The following OCLN variants were observed in gnomAD, a reference collection of about 807,000 sequenced individuals.
The protein encoded by OCLN is occludin, also known as phosphatase 1, regulatory subunit 115.
A neutral mutation model predicts 47.9 loss-of-function variants in OCLN; 21 were observed. That is an observed-to-expected ratio of 0.44 (90% CI 0.31 to 0.63). The LOEUF (loss-of-function observed/expected upper bound fraction) is 0.63. OCLN is among the 30% of genes least tolerant of loss of function. The probability of loss-of-function intolerance (pLI) is 0.08; values close to 1 mark genes in which losing one functional copy is unlikely to be tolerated. For synonymous variants in OCLN, 117 were observed against 198.4 expected, an observed-to-expected ratio of 0.59 and a Z score of 3.45; for missense variants, 360 against 571.0, an observed-to-expected ratio of 0.63 and a Z score of 3.77.
chr5:69,503,754 C>T (rs1486739773), intron 1 of OCLN, among the ~76,000 whole-genome samples: 1 of 152,112 alleles, frequency 6.6e-6, no homozygotes, highest in Non-Finnish European at 1.5e-5. Context: ...TACAATTCCA[C>T]CATTTATAGA....
chr5:69,498,323 G>C (rs756073197), intron 1 of OCLN, among the ~76,000 whole-genome samples: 1 of 151,988 alleles, frequency 6.6e-6, no homozygotes, highest in Non-Finnish European at 1.5e-5. Flanking sequence ...GTGAAACCCC[G>C]TTTCTACTAA....
At position 69,553,616 on chromosome 5, in the gene OCLN, G is replaced by A. The variant is rs1487770795; in HGVS notation, c.1514G>A (p.Ser505Asn). The change falls in exon 9 of 9, where the codon AGC (serine) becomes AAC (asparagine). Residue 505 changes from serine (S) to asparagine (N), a missense_variant. Physicochemically the swap from Ser to Asn is conservative, Grantham distance 46. Transcript: ENST00000396442. The part of the protein sequence containing the change: ...SKKNHCKQLK[S>N]KLSHIKKMVG... ...AAGAATCATTGCAAGCAGTTAAAGAGCAAATTGTCACACATCAAGAAGATG... is the reference window on the plus strand; with the variant it reads ...AAGAATCATTGCAAGCAGTTAAAGAACAAATTGTCACACATCAAGAAGATG... 6.2e-7 allele frequency: 1 copy of A among 1,614,000 alleles called. No homozygotes were observed. The highest frequency in any genetic ancestry group is 2.2e-5 in the East Asian group (1 of 44,850).
intron 4 of OCLN, among the ~76,000 whole-genome samples, chr5:69,529,795 G>A (rs1468665219): frequency 1.3e-5 from 2 of 152,122 alleles, no homozygotes; most frequent in South Asian, 2.1e-4. Flanking sequence ...TAGAGATGGG[G>A]TTTCACCTTG....
Position 69,555,515 on chromosome 5 carries a change from C to T in OCLN, c.*1844C>T, listed in dbSNP as rs1198814169. The T allele has an allele frequency of 4.2e-5, 6 of 143,748 alleles. No homozygotes were observed. Among genetic ancestry groups the T allele is most frequent in the African/African-American group, 1.6e-4 (6 of 38,312 alleles). The allele number at this position is 143,748 out of a possible 1,614,324, so 8.9% of individuals were successfully genotyped here. ...AACTCCTGACCTCAGGTGATCCATC[C>T]ACCTCGGCCTCCCAAAGTGCTGGGA... On this transcript the variant is annotated 3_prime_UTR_variant, in exon 9 of 9. Coordinates refer to ENST00000396442, the MANE Select transcript of OCLN (RefSeq NM_001205254.2).
intron 4 of OCLN, among the ~76,000 whole-genome samples, chr5:69,531,049 A>G (rs971645478): frequency 6.6e-6 from 1 of 152,354 alleles, no homozygotes; most frequent in Non-Finnish European, 1.5e-5. Context: ...CCTGAGCCAC[A>G]GCTTCCTCAT....
intron 3 of OCLN, among the ~76,000 whole-genome samples, chr5:69,512,120 T>G (rs1768807222): frequency 6.6e-6 from 1 of 152,186 alleles, no homozygotes; most frequent in African/African-American, 2.4e-5. Context: ...TATCTAATGC[T>G]TTGCCTAATT....
intron 3 of OCLN, among the ~76,000 whole-genome samples, chr5:69,513,679 G>T (rs1317668384): frequency 6.6e-6 from 1 of 152,210 alleles, no homozygotes; most frequent in Non-Finnish European, 1.5e-5. Context: ...TGAGGGTGAT[G>T]ATTGATAGTT....
intron 4 of OCLN, among the ~76,000 whole-genome samples, chr5:69,534,066 A>G (rs1216012383): frequency 2.0e-5 from 3 of 148,574 alleles, no homozygotes; most frequent in African/African-American, 7.4e-5. Context: ...GTTGTGTGAT[A>G]TATTGTGTAG....
At chr5:69,531,210 C>G (rs951215057) in intron 4 of OCLN, among the ~76,000 whole-genome samples, 3 of 152,196 alleles carry the variant, frequency 2.0e-5, no homozygotes, top group African/African-American at 4.8e-5. Flanking sequence ...AGCCATTGTT[C>G]GGCAGTGCAT....
chr5:69,515,287 C>G (rs1258721425), intron 4 of OCLN, among the ~76,000 whole-genome samples: 4 of 136,190 alleles, frequency 2.9e-5, no homozygotes, highest in Non-Finnish European at 6.3e-5. Flanking sequence ...GGGGCTGACC[C>G]CCCCACCTCC....
In OCLN at chr5:69,525,479, T is replaced by G. The variant is rs559293956; in HGVS notation, c.892-9215T>G. On this transcript the variant is annotated intron_variant, in intron 4 of 8. Coordinates refer to ENST00000396442, the MANE Select transcript of OCLN (RefSeq NM_001205254.2). Reference sequence around the variant, plus strand: ...TCTAAACCAGCAACTCTTGGTGGTGTTAGACTTTATAATATTTTCCAGTCA... The same window carrying G: ...TCTAAACCAGCAACTCTTGGTGGTGGTAGACTTTATAATATTTTCCAGTCA... 2.6e-5 allele frequency among the ~76,000 whole-genome samples: 4 copies of G among 152,322 alleles called. No homozygotes were observed. In the East Asian group the frequency reaches 7.7e-4, roughly 29 times the overall value.
chr5:69,534,724 G>C lies in OCLN; in HGVS notation c.922G>C (p.Val308Leu), dbSNP rs369518478. The C allele has an allele frequency of 2.4e-3, 2,221 of 922,246 alleles. 65 individuals are homozygous for C. The African/African-American group carries it at 0.047, about 20-fold the overall frequency. The allele number at this position is 922,246 out of a possible 1,614,324, so 57.1% of individuals were successfully genotyped here. ...VKNVSAGTQD[V>L]PSPPSDYVER... ...AAATGTGTCTGCAGGCACACAGGAC[G>C]TGCCTTCACCCCCATCTGACTATGT... The change falls in exon 5 of 9, where the codon GTG (valine) becomes CTG (leucine). Residue 308 changes from valine (V) to leucine (L), a missense_variant. Physicochemically the swap from Val to Leu is conservative, Grantham distance 32 (BLOSUM62 1). Coordinates refer to ENST00000396442, the MANE Select transcript of OCLN (RefSeq NM_001205254.2).
chr5:69,492,676 T>TGGCCCGCAGGCTTCCCGCACCCCC (rs1768168303), upstream of OCLN: 1 of 152,432 alleles, frequency 6.6e-6, no homozygotes, highest in African/African-American at 2.4e-5. Flanking sequence ...CTCGCGGCGC[T>TGGCCCGCAGGCTTCCCGCACCCCC]GGCCCGCAGG....
chr5:69,513,864 T>C, intron 3 of OCLN, 84 bp from the exon 4 acceptor site: 1 of 1,153,360 alleles, frequency 8.7e-7, no homozygotes. Context: ...TTAGGGTAGA[T>C]AAGGGTTTTA....
intron 4 of OCLN, among the ~76,000 whole-genome samples, chr5:69,521,854 C>G (rs1054420500): frequency 2.0e-5 from 3 of 152,214 alleles, no homozygotes; most frequent in African/African-American, 7.2e-5. Flanking sequence ...TATTCTTCAT[C>G]ACTTGACATC....
At chr5:69,517,562 C>G (rs1016952493) in intron 4 of OCLN, among the ~76,000 whole-genome samples, 3 of 152,044 alleles carry the variant, frequency 2.0e-5, no homozygotes, top group Admixed American at 6.6e-5. Flanking sequence ...ATCTGCCTGC[C>G]TTGGCCTCCC....
At chr5:69,515,126 T>G (rs867905635) in intron 4 of OCLN, among the ~76,000 whole-genome samples, 2 of 85,358 alleles carry the variant, frequency 2.3e-5, no homozygotes, top group Non-Finnish European at 2.4e-5. Flanking sequence ...CCTCACCTCC[T>G]GGACCGGGCG....
intron 4 of OCLN, among the ~76,000 whole-genome samples, chr5:69,522,058 AC>A (rs1358145602): frequency 1.3e-5 from 2 of 151,436 alleles, no homozygotes; most frequent in African/African-American, 4.9e-5. Flanking sequence ...CTCGTTTTGA[AC>A]TCCTGGCCTC....
chr5:69,500,994 C>T (rs1319522418), intron 1 of OCLN, among the ~76,000 whole-genome samples: 2 of 152,116 alleles, frequency 1.3e-5, no homozygotes, highest in African/African-American at 4.8e-5. Context: ...TCTTGGCTCA[C>T]TGCAACCTCC....
Sources: allele counts gnomAD v4.1 joint callset (sites outside exome capture counted in the v4.1 genomes callset), GRCh38; gene constraint gnomAD v4.1.1; transcripts MANE v1.5; gene names NCBI Gene and HGNC (gene_info 2026-07-23, HGNC 2026-07-21).